Variants in CACNA2D3 observed in about 807,000 individuals in gnomAD.
CACNA2D3 encodes calcium voltage-gated channel auxiliary subunit alpha2delta 3.
In CACNA2D3, 60 loss-of-function variants were observed where a neutral mutation model predicts 160.6. The observed-to-expected ratio is 0.37, with a 90% confidence interval of 0.30 to 0.46. The LOEUF (loss-of-function observed/expected upper bound fraction) is 0.46, where lower values mean the gene tolerates loss of function less well. CACNA2D3 is among the 20% of genes least tolerant of loss of function. The pLI is 1.00. For missense variants in CACNA2D3, 1,205 were observed against 1,365.0 expected (o/e 0.88, Z 1.85); for synonymous variants, 558 against 492.9 (o/e 1.13, Z -1.75).
intron 2 of CACNA2D3, among the ~76,000 whole-genome samples, chr3:54,291,470 A>G (rs928249632): frequency 2.0e-5 from 3 of 152,198 alleles, no homozygotes; most frequent in African/African-American, 7.2e-5. Context: ...AGCGCAAATC[A>G]CAGTTCATAG....
chr3:54,573,574 A>G (rs558398792), intron 8 of CACNA2D3, among the ~76,000 whole-genome samples: 1 of 152,354 alleles, frequency 6.6e-6, no homozygotes, highest in South Asian at 2.1e-4. Flanking sequence ...GAAGTGCTGC[A>G]GTGAGTGCAG....
intron 2 of CACNA2D3, among the ~76,000 whole-genome samples, chr3:54,165,083 G>T (rs866307849): frequency 6.7e-6 from 1 of 150,272 alleles, no homozygotes; most frequent in South Asian, 2.1e-4. Flanking sequence ...CTAAGTAAAT[G>T]TGGGCAGAAT....
chr3:54,190,785 G>C (rs1700964986), intron 2 of CACNA2D3, among the ~76,000 whole-genome samples: 1 of 152,126 alleles, frequency 6.6e-6, no homozygotes, highest in African/African-American at 2.4e-5. Context: ...GAAGTGTCGA[G>C]ATCCACTAGA....
At chr3:54,898,834 G>A (rs1015618584) in intron 26 of CACNA2D3, among the ~76,000 whole-genome samples, 5 of 152,042 alleles carry the variant, frequency 3.3e-5, no homozygotes, top group Admixed American at 1.3e-4. Context: ...TAACATCTTA[G>A]GACATTTCAT....
At chr3:54,742,233 A>G (rs1701664844) in intron 11 of CACNA2D3, among the ~76,000 whole-genome samples, 1 of 152,148 alleles carries the variant, frequency 6.6e-6, no homozygotes, top group South Asian at 2.1e-4. Context: ...AGCCTGGCCA[A>G]CATGGCGAAA....
At chr3:54,507,669 A>G (rs1701393012) in intron 5 of CACNA2D3, among the ~76,000 whole-genome samples, 1 of 151,962 alleles carries the variant, frequency 6.6e-6, no homozygotes, top group African/African-American at 2.4e-5. Flanking sequence ...TGGCCCACAG[A>G]CTCTTCAGGA....
chr3:54,997,651 A>T (rs1575428037), intron 31 of CACNA2D3, among the ~76,000 whole-genome samples: 2 of 151,678 alleles, frequency 1.3e-5, no homozygotes, highest in African/African-American at 2.4e-5. Flanking sequence ...GCTTGAACTG[A>T]GGAGTTGAAG....
chr3:54,412,553 T>C (rs989017099), intron 4 of CACNA2D3, among the ~76,000 whole-genome samples: 1 of 151,668 alleles, frequency 6.6e-6, no homozygotes, highest in Non-Finnish European at 1.5e-5. Context: ...AGCTTTTATA[T>C]GGTGTATCTT....
chr3:54,918,832 A>C, intron 27 of CACNA2D3: 1 of 1,597,018 alleles, frequency 6.3e-7, no homozygotes. Context: ...AGGGATCCTA[A>C]GGAGGTCCTT....
At position 55,074,466 on chromosome 3, in the gene CACNA2D3, C is replaced by T. The variant is rs183539588; in HGVS notation, c.*260C>T. On this transcript the variant is annotated 3_prime_UTR_variant, in exon 38 of 38. Transcript: ENST00000474759. The stretch of plus-strand genomic sequence containing the variant: ...AATCACCCTTCATCAGAAATGGGAC[C>T]GCAAGTGGTAGGCAGTGTCCCTTCT... The T allele has an allele frequency of 1.4e-4, 68 of 477,976 alleles. No homozygotes were observed. The highest frequency in any genetic ancestry group is 5.7e-4 in the Middle Eastern group (1 of 1,764). 29.6% of individuals were successfully genotyped at this position (477,976 alleles called of 1,614,324 possible). A position where few individuals can be genotyped will look rare whatever the true frequency, so the allele number is the denominator to read the frequency against.
At chr3:54,404,013 A>G (rs553480260) in intron 4 of CACNA2D3, among the ~76,000 whole-genome samples, 1 of 152,204 alleles carries the variant, frequency 6.6e-6, no homozygotes, top group Non-Finnish European at 1.5e-5. Flanking sequence ...CCTAAAAAAT[A>G]AAAGCCCAGG....
chr3:54,687,121 C>CTTTTTCTT, intron 11 of CACNA2D3, among the ~76,000 whole-genome samples: 1 of 94,974 alleles, frequency 1.1e-5, no homozygotes, highest in African/African-American at 4.0e-5. Flanking sequence ...TTTTCTTTTT[C>CTTTTTCTT]TTTTTTTTTT....
At chr3:54,810,232 A>G (rs769454404) in intron 13 of CACNA2D3, among the ~76,000 whole-genome samples, 12 of 152,192 alleles carry the variant, frequency 7.9e-5, no homozygotes, top group Non-Finnish European at 1.8e-4. Context: ...CTTTCAGATC[A>G]TTCTGGGTGC....
At chr3:55,025,634 C>CA (rs10717273) in intron 35 of CACNA2D3, among the ~76,000 whole-genome samples, 4,850 of 61,744 alleles carry the variant, frequency 0.079, 53 homozygotes, top group African/African-American at 0.1. Context: ...ACTCTATCTC[C>CA]AAAAAAAAAA....
intron 11 of CACNA2D3, among the ~76,000 whole-genome samples, chr3:54,691,205 C>T (rs1700564263): frequency 6.6e-6 from 1 of 152,168 alleles, no homozygotes; most frequent in Non-Finnish European, 1.5e-5. Context: ...AGCTACGCTG[C>T]AGAGTTTTAT....
chr3:54,148,965 A>G (rs1445700315), intron 2 of CACNA2D3, among the ~76,000 whole-genome samples: 2 of 130,118 alleles, frequency 1.5e-5, no homozygotes, highest in African/African-American at 6.0e-5. Context: ...TGACAGAGCA[A>G]AACTCCATCA....
intron 5 of CACNA2D3, among the ~76,000 whole-genome samples, chr3:54,526,603 A>G (rs950162486): frequency 6.6e-6 from 1 of 152,142 alleles, no homozygotes; most frequent in Admixed American, 6.5e-5. Flanking sequence ...TCAGAGGGTA[A>G]TGCCTTGGGT....
At chr3:54,157,412 G>A (rs1396055881) in intron 2 of CACNA2D3, among the ~76,000 whole-genome samples, 1 of 152,200 alleles carries the variant, frequency 6.6e-6, no homozygotes, top group African/African-American at 2.4e-5. Context: ...GTCAGCAGAG[G>A]TCTCCAGCCC....
chr3:54,608,236 A>G (rs57430399), intron 9 of CACNA2D3, among the ~76,000 whole-genome samples: 5,670 of 152,316 alleles, frequency 0.037, 362 homozygotes, highest in African/African-American at 0.13. Context: ...TTTGAATATT[A>G]TACTACAATA....
Sources: allele counts gnomAD v4.1 joint callset (sites outside exome capture counted in the v4.1 genomes callset), GRCh38; gene constraint gnomAD v4.1.1; transcripts MANE v1.5; gene names NCBI Gene and HGNC (gene_info 2026-07-23, HGNC 2026-07-21).